Variants in UBN1 observed in about 807,000 individuals in gnomAD.
UBN1 encodes ubinuclein-1.
A neutral mutation model predicts 108.5 loss-of-function variants in UBN1; 17 were observed. The observed-to-expected ratio is 0.16, with a 90% confidence interval of 0.11 to 0.24. The LOEUF is 0.24. Ranked by LOEUF, UBN1 falls within the 10% of genes least tolerant of loss-of-function variation. The pLI is 1.00. For missense variants in UBN1, 1,595 were observed against 1,394.4 expected, an observed-to-expected ratio of 1.14 and a Z score of -2.29; for synonymous variants, 726 against 564.2, an observed-to-expected ratio of 1.29 and a Z score of -4.07.
At chr16:4,879,967 C>T (rs2088029749) in intron 17 of UBN1, 116 bp from the exon 18 acceptor site, 1 of 1,100,516 alleles carries the variant, frequency 9.1e-7, no homozygotes, top group Non-Finnish European at 1.4e-6. Context: ...CTAGAACACT[C>T]AGCATTTGGG....
rs374477833 is a variant in UBN1 at position 4,870,523 on chromosome 16, G to T, written c.1319G>T (p.Arg440Leu). The T allele has an allele frequency of 2.8e-5, 45 of 1,614,108 alleles. No homozygotes were observed. Among genetic ancestry groups the T allele is most frequent in the African/African-American group, 4.0e-5 (3 of 74,950 alleles). ...GTGTCCCGCTCTTCGCAGGGGGGCC[G>T]TCTGAAGGAGCCTCTCCAGAAGCTC... ...RKLHLYEQGG[R>L]LKEPLQKLKE... is the part of the protein sequence containing the mutation. Residue 440 changes from arginine (R) to leucine (L), a missense_variant, in exon 10 of 18, where the codon CGT becomes CTT. Coordinates refer to ENST00000262376, the MANE Select transcript of UBN1 (RefSeq NM_001079514.3).
intron 11 of UBN1, 51 bp downstream of exon 11, chr16:4,871,023 C>A (rs1456132079): frequency 9.9e-6 from 16 of 1,609,498 alleles, no homozygotes; most frequent in Admixed American, 1.7e-5. Context: ...GGGGCAGTGT[C>A]TGAGCACGTC....
rs927998089 is a variant in UBN1 at position 4,877,775 on chromosome 16, G to A, written c.3355+301G>A. On this transcript the variant is annotated intron_variant, in intron 17 of 17. Coordinates refer to ENST00000262376, the MANE Select transcript of UBN1 (RefSeq NM_001079514.3). This position sits in a 1 kb window ranked among gnomAD's most constrained non-coding sequence, Gnocchi z 4.3. ...TGCGGTGGAGGAGTTCCTAACCCTC[G>A]GCTTGTTTTTTTCTCTTCAGTTTAA... 3 of 1,127,960 alleles carry A rather than the reference G, an allele frequency of 2.7e-6. No individual in the cohort carries two copies. The highest frequency in any genetic ancestry group is 3.2e-6 in the Non-Finnish European group (3 of 923,868). 69.9% of individuals were successfully genotyped at this position (1,127,960 alleles called of 1,614,324 possible).
intron 2 of UBN1, 55 bp downstream of exon 2, chr16:4,853,221 A>G (rs934304538): frequency 3.8e-5 from 61 of 1,589,302 alleles, no homozygotes; most frequent in Non-Finnish European, 4.8e-5. Context: ...GGGTCAGTGC[A>G]TGCATGTGGG....
chr16:4,864,233 T>C (rs111342375), intron 7 of UBN1, among the ~76,000 whole-genome samples: 17,624 of 152,064 alleles, frequency 0.12, 1,267 homozygotes, highest in Middle Eastern at 0.23. Context: ...ATTACAGGCG[T>C]GAGCCACTGC....
chr16:4,860,670 A>G lies in UBN1; in HGVS notation c.678A>G (p.Thr226=), dbSNP rs370517946. Residue 226 remains threonine, a synonymous_variant, in exon 7 of 18, where the codon ACA becomes ACG. Coordinates refer to ENST00000262376, the MANE Select transcript of UBN1 (RefSeq NM_001079514.3). ...KKSKFSKAGF[T]ALNASKEKKK... ...GTTTCCCTCTTGCTTGCAGCTTCAC[A>G]GCCCTCAATGCCAGTAAGGAGAAGA... 1.9e-5 allele frequency: 31 copies of G among 1,610,244 alleles called. No individual in the cohort carries two copies. Among genetic ancestry groups the G allele is most frequent in the Non-Finnish European group, 2.5e-5 (29 of 1,179,092 alleles).
At position 4,882,272 on chromosome 16, in the gene UBN1, G is replaced by A. The variant is rs1429038009; in HGVS notation, c.*2140G>A. ...AGGTGTGAGAGGGGCTGTGGCTTTT[G>A]TGCAGCGACTATGTTGGTGTTAGGG... On this transcript the variant is annotated 3_prime_UTR_variant, in exon 18 of 18. Coordinates refer to ENST00000262376, the MANE Select transcript of UBN1 (RefSeq NM_001079514.3). 6.5e-6 allele frequency: 1 copy of A among 152,680 alleles called. No individual in the cohort carries two copies. The highest frequency in any genetic ancestry group is 2.4e-5 in the African/African-American group (1 of 41,442). The allele number at this position is 152,680 out of a possible 1,614,324, so 9.5% of individuals were successfully genotyped here. A position where few individuals can be genotyped will look rare whatever the true frequency, so the allele number is the denominator to read the frequency against.
In UBN1 at chr16:4,876,993, C is replaced by G. The variant is rs754115657; in HGVS notation, c.3147C>G (p.Val1049=). 1.9e-6 allele frequency: 3 copies of G among 1,614,212 alleles called. No individual in the cohort carries two copies. In the South Asian group the frequency reaches 3.3e-5, roughly 18 times the overall value. ...ACTCCTTGGGAATTATAACCCCTGT[C>G]CCTATTCCTGTCCATGTGCTCTCCT... ...SSNSLGIITP[V]PIPVHVLSFS... is the part of the protein sequence containing the mutation. Residue 1049 remains valine (V), a synonymous_variant, in exon 16 of 18, where the codon GTC becomes GTG. Transcript: ENST00000262376.
rs556019241 is a variant in UBN1 at position 4,881,411 on chromosome 16, C to T, written c.*1279C>T. The stretch of plus-strand genomic sequence containing the variant: ...GTCACCACTCAACCAGTGGCTGTTT[C>T]ACAAGGATTTGAGGGCACTTGCCTG... On this transcript the variant is annotated 3_prime_UTR_variant, in exon 18 of 18. Coordinates refer to ENST00000262376, the MANE Select transcript of UBN1 (RefSeq NM_001079514.3). 1 of 152,230 alleles carries T rather than the reference C, an allele frequency of 6.6e-6. No individual in the cohort carries two copies. Among genetic ancestry groups the T allele is most frequent in the Non-Finnish European group, 1.5e-5 (1 of 68,048 alleles). The allele number at this position is 152,230 out of a possible 1,614,324, so 9.4% of individuals were successfully genotyped here.
intron 2 of UBN1, among the ~76,000 whole-genome samples, chr16:4,854,759 G>A (rs2086719398): frequency 1.3e-5 from 2 of 150,786 alleles, no homozygotes; most frequent in South Asian, 4.2e-4. Context: ...GTCTCGCTCT[G>A]TCGCCCAGGC....
chr16:4,868,153 C>T (rs1596505938), intron 7 of UBN1, among the ~76,000 whole-genome samples: 1 of 152,138 alleles, frequency 6.6e-6, no homozygotes, highest in African/African-American at 2.4e-5. Context: ...TTTGTGTTCC[C>T]GCTGTGTCGT....
At chr16:4,873,223 A>G (rs1415310731) in intron 14 of UBN1, 150 bp downstream of exon 14, 2 of 1,170,060 alleles carry the variant, frequency 1.7e-6, no homozygotes, top group Non-Finnish European at 2.5e-6. Context: ...ATAACAGGAC[A>G]GAGACCCAAG....
chr16:4,854,134 C>T (rs1034082662), intron 2 of UBN1, among the ~76,000 whole-genome samples: 10 of 150,144 alleles, frequency 6.7e-5, no homozygotes, highest in African/African-American at 2.2e-4. Flanking sequence ...CCCGGGTTCA[C>T]GCCATTCTCC....
chr16:4,850,273 G>T (rs951827614), intron 1 of UBN1, among the ~76,000 whole-genome samples: 9 of 152,080 alleles, frequency 5.9e-5, no homozygotes, highest in Non-Finnish European at 1.0e-4. Context: ...CTTGGGCCTG[G>T]AGAGTCACTT....
chr16:4,850,447 C>T (rs530270367), intron 1 of UBN1, among the ~76,000 whole-genome samples: 1 of 152,150 alleles, frequency 6.6e-6, no homozygotes, highest in Non-Finnish European at 1.5e-5. Context: ...TTGCTGATTC[C>T]CTTCTTATAG....
intron 7 of UBN1, among the ~76,000 whole-genome samples, chr16:4,866,254 C>G (rs575783101): frequency 5.9e-5 from 9 of 152,212 alleles, no homozygotes; most frequent in African/African-American, 1.9e-4. Flanking sequence ...AAGTCATGCC[C>G]TTTTTTTCCA....
At chr16:4,871,790 G>GTT (rs2087651734) in intron 12 of UBN1, among the ~76,000 whole-genome samples, 1 of 151,956 alleles carries the variant, frequency 6.6e-6, no homozygotes, top group South Asian at 2.1e-4. Flanking sequence ...GTTTCACCGT[G>GTT]TTAGCCAGGA....
intron 4 of UBN1, 131 bp downstream of exon 4, chr16:4,858,794 TGA>T: frequency 1.0e-6 from 1 of 981,742 alleles, no homozygotes; most frequent in Non-Finnish European, 1.6e-6. Context: ...GCAGCACTGA[TGA>T]GAGACGAAAT....
At chr16:4,848,786 G>C (rs543092656) in intron 1 of UBN1, among the ~76,000 whole-genome samples, 5 of 152,238 alleles carry the variant, frequency 3.3e-5, no homozygotes, top group African/African-American at 1.2e-4. Context: ...AATTGAATGA[G>C]ATTTTAATAA....
Sources: gnomAD v4.1 joint callset for allele counts (sites outside exome capture counted in the v4.1 genomes callset) on GRCh38, gnomAD v4.1.1 for gene constraint, Gnocchi (gnomAD v3.1) non-coding constraint, MANE v1.5 for transcripts, NCBI Gene and HGNC (gene_info 2026-07-23, HGNC 2026-07-21) for gene names.